PIBF1: variants seen among roughly 807,000 people sequenced by gnomAD.
The protein encoded by PIBF1 is progesterone immunomodulatory binding factor 1.
Under a neutral mutation model 112.5 loss-of-function variants are expected in PIBF1, and 90 were observed. The ratio of observed to expected loss-of-function variants is 0.80; its 90% CI spans 0.67 to 0.95. PIBF1 has a LOEUF of 0.95. PIBF1 is among the 40% of genes least tolerant of loss of function. PIBF1 has a pLI of 0.00. For missense variants in PIBF1, 915 were observed against 852.3 expected (o/e 1.07, Z -0.92); for synonymous variants, 301 against 288.6 (o/e 1.04, Z -0.44).
chr13:72,844,680 G>T (rs2037753966), intron 9 of PIBF1, among the ~76,000 whole-genome samples: 1 of 148,762 alleles, frequency 6.7e-6, no homozygotes, highest in African/African-American at 2.5e-5. Flanking sequence ...ATGCTTGAGG[G>T]CTGAGTATGG....
chr13:72,800,618 A>G (rs1312761473), intron 5 of PIBF1, among the ~76,000 whole-genome samples: 1 of 152,240 alleles, frequency 6.6e-6, no homozygotes, highest in Non-Finnish European at 1.5e-5. Context: ...AAATTCATTC[A>G]ATAAATGTGT....
chr13:72,827,855 T>C lies in PIBF1; in HGVS notation c.1038T>C (p.Ala346=). The change falls in exon 8 of 18, where the codon GCT becomes GCC. Residue 346 remains alanine (A), a synonymous_variant. Transcript: ENST00000326291. ...AGGATCGCCTTGAAAGACTTCAAGC[T>C]CAACTGGAAGAAAGCAAAAAGGCTA... ...HEEDRLERLQ[A]QLEESKKARE... 1 of 1,594,150 alleles carries C rather than the reference T, an allele frequency of 6.3e-7. No individual in the cohort carries two copies. The highest frequency in any genetic ancestry group is 8.5e-7 in the Non-Finnish European group (1 of 1,170,124).
chr13:72,792,572 AAAAC>A, intron 3 of PIBF1, 25 bp downstream of exon 3: 2 of 1,180,474 alleles, frequency 1.7e-6, no homozygotes, highest in South Asian at 2.8e-5. Context: ...TTTTAAAAAA[AAAAC>A]AACATCTATT....
intron 2 of PIBF1, among the ~76,000 whole-genome samples, chr13:72,791,073 T>TTTG (rs555549390): frequency 2.8e-3 from 356 of 125,890 alleles, no homozygotes; most frequent in African/African-American, 9.2e-3. Flanking sequence ...TTGTTTGTTT[T>TTTG]AGATGGAGTC....
chr13:72,898,881 A>G (rs989280119), intron 11 of PIBF1, among the ~76,000 whole-genome samples: 4 of 151,682 alleles, frequency 2.6e-5, no homozygotes, highest in African/African-American at 9.7e-5. Context: ...TAGACCATTA[A>G]CAAGATTAAC....
intron 10 of PIBF1, among the ~76,000 whole-genome samples, chr13:72,864,470 A>G (rs1226954534): frequency 6.6e-6 from 1 of 152,214 alleles, no homozygotes; most frequent in African/African-American, 2.4e-5. Context: ...GATGTTTCTT[A>G]GAAATCTAGC....
chr13:72,818,953 C>A (rs1410902520), intron 5 of PIBF1, among the ~76,000 whole-genome samples: 1 of 152,068 alleles, frequency 6.6e-6, no homozygotes, highest in African/African-American at 2.4e-5. Flanking sequence ...CAGTTTTCCA[C>A]GTTTCTTGTC....
chr13:72,865,973 G>A (rs538298572), intron 10 of PIBF1, among the ~76,000 whole-genome samples: 31 of 152,156 alleles, frequency 2.0e-4, no homozygotes, highest in Non-Finnish European at 3.5e-4. Flanking sequence ...CTAGAGGCCA[G>A]AACTCTGAAA....
chr13:72,862,525 A>G (rs1468211486), intron 10 of PIBF1, among the ~76,000 whole-genome samples: 1 of 152,186 alleles, frequency 6.6e-6, no homozygotes, highest in Non-Finnish European at 1.5e-5. Flanking sequence ...ATTAACCACC[A>G]AGCACCATTT....
intron 14 of PIBF1, among the ~76,000 whole-genome samples, chr13:72,937,764 G>A (rs773181572): frequency 1.3e-5 from 2 of 152,028 alleles, no homozygotes; most frequent in Non-Finnish European, 2.9e-5. Flanking sequence ...GCAGTGAGCC[G>A]AGATCGCGCC....
chr13:72,924,149 G>A (rs2041399509), intron 13 of PIBF1, among the ~76,000 whole-genome samples: 2 of 152,032 alleles, frequency 1.3e-5, no homozygotes, highest in Admixed American at 6.6e-5. Context: ...TCCACCTATA[G>A]CACCAAATCA....
intron 17 of PIBF1, among the ~76,000 whole-genome samples, chr13:73,003,823 A>C (rs1209759709): frequency 6.6e-6 from 1 of 151,720 alleles, no homozygotes; most frequent in African/African-American, 2.4e-5. Flanking sequence ...GATCCTCCCA[A>C]CTCAGCCTCC....
At chr13:72,809,291 C>A (rs112194511) in intron 5 of PIBF1, among the ~76,000 whole-genome samples, 2 of 151,558 alleles carry the variant, frequency 1.3e-5, no homozygotes, top group African/African-American at 4.8e-5. Context: ...CACATAGTAT[C>A]TTTTTCTAGT....
chr13:72,876,489 T>C (rs896097312), intron 10 of PIBF1, among the ~76,000 whole-genome samples: 4 of 152,184 alleles, frequency 2.6e-5, no homozygotes, highest in Non-Finnish European at 4.4e-5. Context: ...GGGATTTTGA[T>C]TGGGATTACG....
intron 12 of PIBF1, 120 bp downstream of exon 12, chr13:72,908,801 C>A (rs2040796725): frequency 2.4e-6 from 2 of 845,240 alleles, no homozygotes; most frequent in Non-Finnish European, 3.5e-6. Flanking sequence ...GTAATCTTAG[C>A]ACTTTGGGCG....
chr13:73,007,475 C>T (rs2044070043), intron 17 of PIBF1, among the ~76,000 whole-genome samples: 1 of 152,028 alleles, frequency 6.6e-6, no homozygotes, highest in Admixed American at 6.6e-5. Flanking sequence ...TACCAAGAGC[C>T]AGCAAACTCT....
intron 5 of PIBF1, among the ~76,000 whole-genome samples, chr13:72,820,005 A>G (rs557327392): frequency 6.6e-6 from 1 of 152,202 alleles, no homozygotes; most frequent in Admixed American, 6.5e-5. Flanking sequence ...AAATTCTGTC[A>G]TGGCGTTTGC....
chr13:72,820,469 T>G (rs1409215835), intron 5 of PIBF1, among the ~76,000 whole-genome samples: 1 of 152,150 alleles, frequency 6.6e-6, no homozygotes, highest in Non-Finnish European at 1.5e-5. Context: ...TCCATTCTCA[T>G]GGAAAACTTC....
chr13:72,792,918 G>T (rs558595142), intron 3 of PIBF1, among the ~76,000 whole-genome samples: 116 of 152,268 alleles, frequency 7.6e-4, no homozygotes, highest in South Asian at 8.3e-4. Flanking sequence ...CTCTAGCTCA[G>T]TTGTGGGCTT....
Sources: allele counts gnomAD v4.1 joint callset (sites outside exome capture counted in the v4.1 genomes callset), GRCh38; gene constraint gnomAD v4.1.1; transcripts MANE v1.5; gene names NCBI Gene and HGNC (gene_info 2026-07-23, HGNC 2026-07-21).